The following CSMD3 variants were observed in gnomAD, a reference collection of about 807,000 sequenced individuals.
The protein encoded by CSMD3 is CUB and sushi domain-containing protein 3.
CSMD3 carries 177 observed loss-of-function variants against 435.2 expected under a neutral mutation model. The ratio of observed to expected loss-of-function variants is 0.41; its 90% CI spans 0.36 to 0.46. CSMD3 has a LOEUF of 0.46. Ranked by LOEUF, CSMD3 falls within the 20% of genes least tolerant of loss-of-function variation. The pLI is 0.34. For missense variants in CSMD3, 4,265 were observed against 4,504.6 expected, an observed-to-expected ratio of 0.95 and a Z score of 1.52; for synonymous variants, 1,656 against 1,520.5, an observed-to-expected ratio of 1.09 and a Z score of -2.07.
chr8:112,686,469 T>C (rs2076013710), intron 14 of CSMD3, among the ~76,000 whole-genome samples: 1 of 151,292 alleles, frequency 6.6e-6, no homozygotes, highest in Non-Finnish European at 1.5e-5. Flanking sequence ...TATATTATCT[T>C]CCAAAGTTTT....
At chr8:112,876,221 C>G (rs2081277690) in intron 10 of CSMD3, among the ~76,000 whole-genome samples, 1 of 152,022 alleles carries the variant, frequency 6.6e-6, no homozygotes, top group Non-Finnish European at 1.5e-5. Context: ...CAGGACCAGA[C>G]AGATTCATAG....
At chr8:112,717,175 C>T (rs1378137307) in intron 13 of CSMD3, among the ~76,000 whole-genome samples, 1 of 151,192 alleles carries the variant, frequency 6.6e-6, no homozygotes, top group Non-Finnish European at 1.5e-5. Flanking sequence ...ATTCATCTGA[C>T]AAAGGTCTAA....
At chr8:112,824,411 T>C (rs2079616978) in intron 12 of CSMD3, among the ~76,000 whole-genome samples, 1 of 152,158 alleles carries the variant, frequency 6.6e-6, no homozygotes, top group African/African-American at 2.4e-5. Flanking sequence ...TTGGTCTTCA[T>C]ATTTTGGTGT....
In CSMD3 at chr8:112,341,785, G is replaced by C. The variant is rs1825139739; in HGVS notation, c.6443-99C>G. The C allele has an allele frequency of 3.6e-6, 3 of 833,504 alleles. No individual in the cohort carries two copies. In the East Asian group the frequency reaches 7.9e-5, roughly 22 times the overall value. 51.6% of individuals were successfully genotyped at this position (833,504 alleles called of 1,614,324 possible). ...CACATCAATGTACTTAGATAAGTTT[G>C]CATTTAAGTCAAGAGGCATAATCTC... is the stretch of plus-strand genomic sequence containing the variant. On this transcript the variant is annotated intron_variant, in intron 41 of 70. Transcript: ENST00000297405.
At chr8:112,262,923 T>C (rs932313675) in intron 61 of CSMD3, among the ~76,000 whole-genome samples, 2 of 152,076 alleles carry the variant, frequency 1.3e-5, no homozygotes, top group African/African-American at 2.4e-5. Flanking sequence ...GTCAAGGTCA[T>C]GAGACAGGTA....
chr8:112,446,532 G>C (rs1563544694), intron 32 of CSMD3, among the ~76,000 whole-genome samples: 1 of 152,140 alleles, frequency 6.6e-6, no homozygotes, highest in African/African-American at 2.4e-5. Flanking sequence ...GAATAGATTA[G>C]CATTCAGTCC....
intron 22 of CSMD3, among the ~76,000 whole-genome samples, chr8:112,592,680 C>T (rs1174487423): frequency 6.6e-6 from 1 of 151,892 alleles, no homozygotes; most frequent in Non-Finnish European, 1.5e-5. Context: ...TGACTATTTC[C>T]CATAATCTGA....
chr8:112,885,654 G>A (rs534589752), intron 10 of CSMD3, among the ~76,000 whole-genome samples: 2 of 151,796 alleles, frequency 1.3e-5, no homozygotes, highest in South Asian at 4.2e-4. Context: ...CACAATTAAT[G>A]ACAATGATGC....
intron 10 of CSMD3, among the ~76,000 whole-genome samples, 189 bp from the exon 11 acceptor site, chr8:112,859,455 A>G (rs2080762668): frequency 6.6e-6 from 1 of 151,840 alleles, no homozygotes; most frequent in African/African-American, 2.4e-5. Context: ...CACAAGCTCG[A>G]TATTTTCAAC....
At chr8:113,207,489 T>G (rs2132059374) in intron 3 of CSMD3, among the ~76,000 whole-genome samples, 1 of 152,050 alleles carries the variant, frequency 6.6e-6, no homozygotes, top group African/African-American at 2.4e-5. Flanking sequence ...TTCAAGTGAT[T>G]CTGCTGCCTC....
chr8:112,551,436 G>A (rs1472889780), intron 26 of CSMD3, among the ~76,000 whole-genome samples: 3 of 151,948 alleles, frequency 2.0e-5, no homozygotes, highest in African/African-American at 4.8e-5. Context: ...AATTAGAATC[G>A]GGTGCTTTTT....
chr8:112,266,673 A>C (rs927819497), intron 59 of CSMD3, among the ~76,000 whole-genome samples: 1 of 152,202 alleles, frequency 6.6e-6, no homozygotes, highest in African/African-American at 2.4e-5. Flanking sequence ...TGCCAGCCAA[A>C]ATGTTTCAGA....
At chr8:112,526,316 T>G (rs1397031078) in intron 27 of CSMD3, among the ~76,000 whole-genome samples, 1 of 152,068 alleles carries the variant, frequency 6.6e-6, no homozygotes, top group African/African-American at 2.4e-5. Flanking sequence ...CTAGGACTTA[T>G]TGACAATGAT....
chr8:112,596,291 G>C (rs1239936006), intron 22 of CSMD3, among the ~76,000 whole-genome samples: 2 of 152,084 alleles, frequency 1.3e-5, no homozygotes, highest in African/African-American at 2.4e-5. Flanking sequence ...AATGGTAAAG[G>C]GATCAGTTCA....
chr8:113,234,995 A>G (rs1053242102), intron 3 of CSMD3, among the ~76,000 whole-genome samples: 3 of 152,088 alleles, frequency 2.0e-5, no homozygotes, highest in African/African-American at 7.2e-5. Flanking sequence ...CAGAGAATGT[A>G]TAAATGGGGT....
intron 47 of CSMD3, among the ~76,000 whole-genome samples, chr8:112,317,984 C>T (rs1822630007): frequency 6.6e-6 from 1 of 152,058 alleles, no homozygotes; most frequent in Admixed American, 6.6e-5. Flanking sequence ...GTGTGTTAGG[C>T]ACTGTTCTGG....
At chr8:112,660,472 G>A (rs2075354394) in intron 17 of CSMD3, among the ~76,000 whole-genome samples, 1 of 152,098 alleles carries the variant, frequency 6.6e-6, no homozygotes, top group African/African-American at 2.4e-5. Context: ...CCAATTTTCT[G>A]GCAAAGCATA....
intron 23 of CSMD3, among the ~76,000 whole-genome samples, chr8:112,573,881 C>A (rs180832069): frequency 6.6e-6 from 1 of 151,916 alleles, no homozygotes; most frequent in Non-Finnish European, 1.5e-5. Flanking sequence ...TTAAGTAATA[C>A]TTGAATCAGG....
chr8:112,985,773 G>T (rs2085233529), intron 6 of CSMD3, among the ~76,000 whole-genome samples: 1 of 152,132 alleles, frequency 6.6e-6, no homozygotes, highest in African/African-American at 2.4e-5. Flanking sequence ...CTCCTTATGA[G>T]AATCTAATGC....
Sources: allele counts gnomAD v4.1 joint callset (sites outside exome capture counted in the v4.1 genomes callset), GRCh38; gene constraint gnomAD v4.1.1; transcripts MANE v1.5; gene names NCBI Gene and HGNC (gene_info 2026-07-23, HGNC 2026-07-21).